Variants in C6orf132 observed in about 807,000 individuals in gnomAD.
The protein encoded by C6orf132 is uncharacterized protein C6orf132.
C6orf132 carries 43 observed loss-of-function variants against 65.3 expected under a neutral mutation model. That is an observed-to-expected ratio of 0.66 (90% CI 0.52 to 0.85). The LOEUF (loss-of-function observed/expected upper bound fraction) is 0.85. Among genes scored for constraint, C6orf132 ranks in the 40% least tolerant of loss-of-function variants. The pLI is 0.00. For missense variants in C6orf132, 1,488 were observed against 1,548.8 expected, an observed-to-expected ratio of 0.96 and a Z score of 0.66; for synonymous variants, 631 against 654.1, an observed-to-expected ratio of 0.96 and a Z score of 0.54.
chr6:42,123,592 GAAGA>G (rs375878805), intron 2 of C6orf132, among the ~76,000 whole-genome samples: 1 of 151,352 alleles, frequency 6.6e-6, no homozygotes, highest in Non-Finnish European at 1.5e-5. Context: ...GAAAGAAGAA[GAAGA>G]AAGAAGGAAG....
At chr6:42,129,693 A>G (rs1766823284) in intron 1 of C6orf132, among the ~76,000 whole-genome samples, 1 of 152,184 alleles carries the variant, frequency 6.6e-6, no homozygotes, top group South Asian at 2.1e-4. Flanking sequence ...ATACACACTG[A>G]CAAGAAATTC....
chr6:42,140,813 C>T (rs982781267), intron 1 of C6orf132, among the ~76,000 whole-genome samples: 2 of 152,218 alleles, frequency 1.3e-5, no homozygotes, highest in African/African-American at 4.8e-5. Flanking sequence ...TTTAGAATGG[C>T]ATCTTGCACC....
intron 2 of C6orf132, among the ~76,000 whole-genome samples, chr6:42,114,628 T>C (rs1361496433): frequency 6.6e-6 from 1 of 152,222 alleles, no homozygotes. Flanking sequence ...TGCACAGGTG[T>C]GGACAGCATC....
chr6:42,137,851 T>A (rs939610537), intron 1 of C6orf132, among the ~76,000 whole-genome samples: 2 of 137,318 alleles, frequency 1.5e-5, no homozygotes, highest in African/African-American at 2.8e-5. Context: ...GCGGGGGAGG[T>A]GGATCACGAG....
chr6:42,126,932 G>A (rs545286877), intron 2 of C6orf132: 10 of 330,890 alleles, frequency 3.0e-5, no homozygotes, highest in Non-Finnish European at 5.1e-5. Context: ...TGCATTCTCT[G>A]GAAACCAAGT....
chr6:42,119,017 G>A (rs1766633321), intron 2 of C6orf132, among the ~76,000 whole-genome samples: 1 of 140,916 alleles, frequency 7.1e-6, no homozygotes, highest in Non-Finnish European at 1.5e-5. Flanking sequence ...TGGATCTTAG[G>A]TCAGGAGTTT....
In C6orf132 at chr6:42,105,701, G is replaced by T; in HGVS notation, c.2211C>A (p.Pro737=). ...GTGTGGGCAGCCTAGTGGCCTCTGAGGGGGACCCCTCTCCCCTTGCCTGGG... is the reference window on the plus strand; with the variant it reads ...GTGTGGGCAGCCTAGTGGCCTCTGATGGGGACCCCTCTCCCCTTGCCTGGG... ...TPSQARGEGS[P]SEATRLPTQG... The change falls in exon 4 of 5, where the codon CCC becomes CCA. Residue 737 remains proline (P), a synonymous_variant. Transcript: ENST00000341865. 6.5e-7 allele frequency: 1 copy of T among 1,537,324 alleles called. No homozygotes were observed. Among genetic ancestry groups the T allele is most frequent in the Non-Finnish European group, 8.7e-7 (1 of 1,146,926 alleles).
At chr6:42,141,000 T>A (rs1767022438) in intron 1 of C6orf132, among the ~76,000 whole-genome samples, 1 of 152,238 alleles carries the variant, frequency 6.6e-6, no homozygotes, top group Admixed American at 6.5e-5. Context: ...GAATGCCCTC[T>A]CCTGTCAGCT....
chr6:42,132,311 C>T (rs1030091801), intron 1 of C6orf132, among the ~76,000 whole-genome samples: 5 of 150,680 alleles, frequency 3.3e-5, no homozygotes, highest in Non-Finnish European at 7.4e-5. Flanking sequence ...GTCAGGAGAT[C>T]GAGACCATCC....
At position 42,128,692 on chromosome 6, in the gene C6orf132, G is replaced by A. The variant is rs981817342; in HGVS notation, c.232C>T (p.Leu78=). 2.6e-6 allele frequency: 4 copies of A among 1,551,412 alleles called. No individual in the cohort carries two copies. The highest frequency in any genetic ancestry group is 3.5e-6 in the Non-Finnish European group (4 of 1,146,934). Residue 78 remains leucine, a synonymous_variant, in exon 2 of 5, where the codon CTG becomes TTG. Transcript: ENST00000341865. ...TLKARPRVRP[L]LTFLPLNAQE... Reference sequence around the variant, plus strand: ...CTCACCAGCGGAAGGAAGGTCAGCAGGGGCCGGACTCTTGGCCGAGCTTTC... The same window carrying A: ...CTCACCAGCGGAAGGAAGGTCAGCAAGGGCCGGACTCTTGGCCGAGCTTTC...
chr6:42,110,398 T>G (rs1766476380), intron 2 of C6orf132, 107 bp from the exon 3 acceptor site: 2 of 833,388 alleles, frequency 2.4e-6, no homozygotes, highest in African/African-American at 1.7e-5. Flanking sequence ...GCAGTGACGG[T>G]CATGGTTGCA....
chr6:42,139,768 T>C (rs1767004869), intron 1 of C6orf132, among the ~76,000 whole-genome samples: 1 of 152,212 alleles, frequency 6.6e-6, no homozygotes, highest in Non-Finnish European at 1.5e-5. Context: ...ACAATTCTTC[T>C]TCCAATGTGA....
Position 42,106,175 on chromosome 6 carries a change from C to T in C6orf132, c.1737G>A (p.Glu579=), listed in dbSNP as rs1766401432. ...ELEARLSSAA[E]KEAKPSIGSL... is the part of the protein sequence containing the mutation. ...ATCCTATGCTGGGCTTAGCCTCCTT[C>T]TCTGCTGCTGAGGAGAGCCGGGCCT... The change falls in exon 4 of 5, where the codon GAG becomes GAA. Residue 579 remains glutamate, a synonymous_variant. Transcript: ENST00000341865. The T allele has an allele frequency of 6.5e-7, 1 of 1,537,286 alleles. No homozygotes were observed. The highest frequency in any genetic ancestry group is 8.7e-7 in the Non-Finnish European group (1 of 1,146,926).
intron 2 of C6orf132, among the ~76,000 whole-genome samples, chr6:42,119,862 G>A (rs1049743403): frequency 2.6e-5 from 4 of 151,836 alleles, no homozygotes; most frequent in Non-Finnish European, 4.4e-5. Context: ...TTGGGAGGCC[G>A]AGGTGGGCTG....
At chr6:42,137,993 A>G (rs905040958) in intron 1 of C6orf132, among the ~76,000 whole-genome samples, 5 of 152,128 alleles carry the variant, frequency 3.3e-5, no homozygotes, top group African/African-American at 1.2e-4. Flanking sequence ...GGGAGGTAGA[A>G]GGTTGCAGTG....
chr6:42,106,214 G>T lies in C6orf132; in HGVS notation c.1698C>A (p.Ile566=). Residue 566 remains isoleucine, a synonymous_variant, in exon 4 of 5, where the codon ATC becomes ATA. Transcript: ENST00000341865. ...AGAGCCGGGCCTCCAGCTCATTCCGGATCTGCCGCACACTGGGAGTTGGAG... is the reference window on the plus strand; with the variant it reads ...AGAGCCGGGCCTCCAGCTCATTCCGTATCTGCCGCACACTGGGAGTTGGAG... ...QDSPTPSVRQ[I]RNELEARLSS... The T allele has an allele frequency of 6.5e-7, 1 of 1,537,190 alleles. No individual in the cohort carries two copies. The highest frequency in any genetic ancestry group is 8.7e-7 in the Non-Finnish European group (1 of 1,146,882).
At position 42,104,682 on chromosome 6, in the gene C6orf132, A is replaced by G. The variant is rs1766358256; in HGVS notation, c.3230T>C (p.Leu1077Pro). 2 of 1,510,148 alleles carry G rather than the reference A, an allele frequency of 1.3e-6. No individual in the cohort carries two copies. Among genetic ancestry groups the G allele is most frequent in the African/African-American group, 1.4e-5 (1 of 70,144 alleles). The allele number at this position is 1,510,148 out of a possible 1,614,324, so 93.5% of individuals were successfully genotyped here. A position where few individuals can be genotyped will look rare whatever the true frequency, so the allele number is the denominator to read the frequency against. ...GCTGCGGCCGGTGCCACCGTGGGGT[A>G]GCCCTGGGCCTCGGTGCGGCTCCCC... is the stretch of plus-strand genomic sequence containing the variant. ...YVGEPHRGPG[L>P]PHGGTGRSLS... The change falls in exon 4 of 5, where the codon CTA becomes CCA. Residue 1077 changes from leucine (L) to proline (P), a missense_variant. Leu to Pro is a moderately conservative substitution (Grantham distance 98). Transcript: ENST00000341865. This position sits in a 1 kb window ranked among gnomAD's most constrained non-coding sequence, Gnocchi z 4.1.
chr6:42,127,864 A>G (rs1244792057), intron 2 of C6orf132, among the ~76,000 whole-genome samples: 1 of 152,146 alleles, frequency 6.6e-6, no homozygotes, highest in African/African-American at 2.4e-5. Context: ...CTTAGCATGA[A>G]AAAAAAGAAT....
chr6:42,138,757 T>A (rs1052019539), intron 1 of C6orf132, among the ~76,000 whole-genome samples: 1 of 150,308 alleles, frequency 6.7e-6, no homozygotes, highest in Admixed American at 6.6e-5. Context: ...AAGGGAGGAG[T>A]CCTGAGTGAC....
Sources: allele counts gnomAD v4.1 joint callset (sites outside exome capture counted in the v4.1 genomes callset), GRCh38; gene constraint gnomAD v4.1.1; non-coding constraint Gnocchi (gnomAD v3.1); transcripts MANE v1.5; gene names NCBI Gene and HGNC (gene_info 2026-07-23, HGNC 2026-07-21).